TM9SF3: variants seen among roughly 807,000 people sequenced by gnomAD.
TM9SF3 encodes the protein transmembrane 9 superfamily member 3, also known as SM-11044-binding protein.
TM9SF3 carries 14 observed loss-of-function variants against 78.6 expected under a neutral mutation model. That is an observed-to-expected ratio of 0.18 (90% CI 0.12 to 0.28). TM9SF3 has a LOEUF of 0.28. TM9SF3 is among the 10% of genes least tolerant of loss of function. The probability of loss-of-function intolerance (pLI) is 1.00; values close to 1 mark genes in which losing one functional copy is unlikely to be tolerated. For missense variants in TM9SF3, 496 were observed against 721.9 expected, an observed-to-expected ratio of 0.69 and a Z score of 3.59; for synonymous variants, 231 against 241.7, an observed-to-expected ratio of 0.96 and a Z score of 0.41.
In TM9SF3 at chr10:96,569,000, C is replaced by A. The variant is rs538577113; in HGVS notation, c.299-3574G>T. Among the ~76,000 whole-genome samples the A allele has an allele frequency of 7.2e-5, 11 of 152,120 alleles. 1 individual carries two copies. In the South Asian group the frequency reaches 2.3e-3, roughly 32 times the overall value. The stretch of plus-strand genomic sequence containing the variant: ...CCCAGGAGTTCGAGACCAGCCTGAG[C>A]AACATGTCAAAACCTCATCTTTACA... On this transcript the variant is annotated intron_variant, in intron 2 of 14. Coordinates refer to ENST00000371142, the MANE Select transcript of TM9SF3 (RefSeq NM_020123.4).
chr10:96,557,401 C>T (rs755621956), intron 5 of TM9SF3, among the ~76,000 whole-genome samples: 4 of 100,114 alleles, frequency 4.0e-5, no homozygotes, highest in Non-Finnish European at 6.2e-5. Flanking sequence ...CGAAATGCCG[C>T]CAGCTTTAAC....
At chr10:96,576,005 G>C (rs1349235833) in intron 2 of TM9SF3, among the ~76,000 whole-genome samples, 1 of 152,112 alleles carries the variant, frequency 6.6e-6, no homozygotes, top group African/African-American at 2.4e-5. Context: ...ACAAGTCTTT[G>C]ACTTAAAATT....
chr10:96,563,272 C>G (rs1038422417), intron 3 of TM9SF3, among the ~76,000 whole-genome samples: 2 of 152,094 alleles, frequency 1.3e-5, no homozygotes, highest in Non-Finnish European at 2.9e-5. Flanking sequence ...AGATGAATCT[C>G]GTTATGTTGC....
chr10:96,567,118 CTTG>C (rs35617379), intron 2 of TM9SF3, among the ~76,000 whole-genome samples: 26,828 of 128,698 alleles, frequency 0.21, 2,769 homozygotes, highest in Middle Eastern at 0.35. Context: ...GAGTTTCACT[CTTG>C]TTGTCCAAGC....
At chr10:96,524,111 T>C (rs1847812922) in intron 14 of TM9SF3, among the ~76,000 whole-genome samples, 1 of 151,780 alleles carries the variant, frequency 6.6e-6, no homozygotes, top group South Asian at 2.1e-4. Context: ...CACTGGGTGT[T>C]AGTACATGGG....
intron 5 of TM9SF3, among the ~76,000 whole-genome samples, chr10:96,554,642 AATG>A (rs1379202658): frequency 6.6e-6 from 1 of 152,110 alleles, no homozygotes; most frequent in African/African-American, 2.4e-5. Flanking sequence ...CCAGCATTCC[AATG>A]ATGATGATAA....
intron 2 of TM9SF3, among the ~76,000 whole-genome samples, chr10:96,573,014 T>G (rs568031613): frequency 1.3e-5 from 2 of 152,184 alleles, no homozygotes; most frequent in African/African-American, 4.8e-5. Context: ...CACAGTCTAA[T>G]AGGTTAAAAA....
chr10:96,537,699 A>G (rs1847976483), intron 9 of TM9SF3, among the ~76,000 whole-genome samples: 1 of 152,064 alleles, frequency 6.6e-6, no homozygotes, highest in Non-Finnish European at 1.5e-5. Flanking sequence ...GGGCGTGGTG[A>G]CGTGCACCTG....
At chr10:96,553,779 A>T (rs1352899363) in intron 5 of TM9SF3, among the ~76,000 whole-genome samples, 7 of 152,144 alleles carry the variant, frequency 4.6e-5, no homozygotes, top group African/African-American at 1.4e-4. Flanking sequence ...TTATCCACAT[A>T]TTTGTTTCAA....
Position 96,543,344 on chromosome 10 carries a change from C to CT in TM9SF3, c.1185+731dup, listed in dbSNP as rs398014526. On this transcript the variant is annotated intron_variant, in intron 9 of 14. Transcript: ENST00000371142. ...ATTTACAAAAATGCTTAGTGAGATT[C>CT]TTTTTTTTGAGATGGAGTCTGGCTC... Among the ~76,000 whole-genome samples the CT allele has an allele frequency of 1.8e-3, 252 of 136,916 alleles. 5 individuals are homozygous for CT. The highest frequency in any genetic ancestry group is 6.4e-3 in the African/African-American group (234 of 36,752). 89.8% of individuals were successfully genotyped at this position (136,916 alleles called of 152,430 possible).
Position 96,528,101 on chromosome 10 carries a change from G to A in TM9SF3, c.1471C>T (p.Leu491=), listed in dbSNP as rs1311884727. ...GTCACACAGACAGTCACAATGCACA[G>A]GATAACCAGCACCAGCATCATGAAG... ...YGFMMLVLVI[L]CIVTVCVTIV... Residue 491 remains leucine, a synonymous_variant, in exon 12 of 15, where the codon CTG becomes TTG. Coordinates refer to ENST00000371142, the MANE Select transcript of TM9SF3 (RefSeq NM_020123.4). 4.3e-6 allele frequency: 7 copies of A among 1,612,936 alleles called. No individual in the cohort carries two copies. Among genetic ancestry groups the A allele is most frequent in the Non-Finnish European group, 5.9e-6 (7 of 1,179,146 alleles).
At chr10:96,533,226 A>G in intron 9 of TM9SF3, 36 bp from the exon 10 acceptor site, 5 of 1,597,778 alleles carry the variant, frequency 3.1e-6, no homozygotes, top group Non-Finnish European at 4.3e-6. Context: ...TTACTCAGAG[A>G]ACAATAACAT....
chr10:96,533,440 C>T (rs1016057171), intron 9 of TM9SF3, among the ~76,000 whole-genome samples: 1 of 152,180 alleles, frequency 6.6e-6, no homozygotes, highest in African/African-American at 2.4e-5. Flanking sequence ...TTCTTCCAGA[C>T]TATCTCTGCC....
chr10:96,552,789 A>T, intron 6 of TM9SF3, 139 bp downstream of exon 6: 1 of 770,966 alleles, frequency 1.3e-6, no homozygotes, highest in Non-Finnish European at 1.8e-6. Flanking sequence ...TGGGCATTTT[A>T]CATCTTTCTT....
At chr10:96,536,515 CTAA>C (rs544917272) in intron 9 of TM9SF3, among the ~76,000 whole-genome samples, 6 of 152,138 alleles carry the variant, frequency 3.9e-5, no homozygotes, top group African/African-American at 1.4e-4. Context: ...TATTGTAGAA[CTAA>C]TAAGTGAATT....
At chr10:96,531,793 G>A (rs1847898787) in intron 10 of TM9SF3, among the ~76,000 whole-genome samples, 1 of 152,114 alleles carries the variant, frequency 6.6e-6, no homozygotes, top group East Asian at 1.9e-4. Context: ...CTCCTTCACT[G>A]GCCCTAGTGA....
intron 10 of TM9SF3, among the ~76,000 whole-genome samples, chr10:96,532,494 G>A (rs192810392): frequency 1.3e-4 from 19 of 151,798 alleles, no homozygotes; most frequent in African/African-American, 3.4e-4. Flanking sequence ...ATATATCTCC[G>A]TTATCATAAA....
At chr10:96,580,493 C>T (rs1848554296) in intron 1 of TM9SF3, among the ~76,000 whole-genome samples, 1 of 152,146 alleles carries the variant, frequency 6.6e-6, no homozygotes, top group Non-Finnish European at 1.5e-5. Flanking sequence ...GTCTCGATCT[C>T]CTGACCTCGT....
chr10:96,562,610 C>T (rs144937929), intron 3 of TM9SF3, among the ~76,000 whole-genome samples: 9 of 152,276 alleles, frequency 5.9e-5, no homozygotes, highest in South Asian at 4.1e-4. Flanking sequence ...GTAAGATGTA[C>T]ACATGTATAT....
Sources: gnomAD v4.1 joint callset for allele counts (sites outside exome capture counted in the v4.1 genomes callset) on GRCh38, gnomAD v4.1.1 for gene constraint, MANE v1.5 for transcripts, NCBI Gene and HGNC (gene_info 2026-07-23, HGNC 2026-07-21) for gene names.